The following GRIN2A variants were observed in gnomAD, a reference collection of about 807,000 sequenced individuals.
GRIN2A encodes glutamate ionotropic receptor NMDA type subunit 2A.
GRIN2A carries 22 observed loss-of-function variants against 113.4 expected under a neutral mutation model. The observed-to-expected ratio is 0.19, with a 90% confidence interval of 0.14 to 0.28. GRIN2A has a LOEUF of 0.28. Among genes scored for constraint, GRIN2A ranks in the 10% least tolerant of loss-of-function variants. The probability of loss-of-function intolerance (pLI) is 1.00; values close to 1 mark genes in which losing one functional copy is unlikely to be tolerated. For missense variants in GRIN2A, 1,502 were observed against 1,887.0 expected (o/e 0.80, Z 3.78); for synonymous variants, 827 against 738.4 (o/e 1.12, Z -1.94).
intron 11 of GRIN2A, among the ~76,000 whole-genome samples, chr16:9,797,635 G>A (rs1007619920): frequency 2.0e-5 from 3 of 152,190 alleles, no homozygotes; most frequent in Non-Finnish European, 4.4e-5. Context: ...GTCTAGGAAA[G>A]AGTCTTTGAC....
In GRIN2A at chr16:10,072,912, G is replaced by A. The variant is rs139721228; in HGVS notation, c.414+107086C>T. On this transcript the variant is annotated intron_variant, in intron 2 of 12. Transcript: ENST00000330684. ...AGAAGGAAAAATGTGCTCAGAGGCAGAGGCAAGATGAGGAAACTCAGTGAC... is the reference window on the plus strand; with the variant it reads ...AGAAGGAAAAATGTGCTCAGAGGCAAAGGCAAGATGAGGAAACTCAGTGAC... Among the ~76,000 whole-genome samples, 794 of 150,906 alleles carry A rather than the reference G, an allele frequency of 5.3e-3. 6 individuals are homozygous for A. The highest frequency in any genetic ancestry group is 0.018 in the African/African-American group (733 of 41,120).
chr16:9,845,366 C>G (rs2042753713), intron 5 of GRIN2A, among the ~76,000 whole-genome samples: 1 of 152,122 alleles, frequency 6.6e-6, no homozygotes, highest in African/African-American at 2.4e-5. Context: ...TTTAAAGACT[C>G]TAAACTCCTA....
intron 3 of GRIN2A, among the ~76,000 whole-genome samples, chr16:9,935,889 A>G (rs933428721): frequency 1.3e-5 from 2 of 151,978 alleles, no homozygotes; most frequent in African/African-American, 4.8e-5. Flanking sequence ...TTTAGTATAG[A>G]CAGGGTTTCA....
intron 3 of GRIN2A, among the ~76,000 whole-genome samples, chr16:9,932,288 G>C (rs1405843011): frequency 6.6e-6 from 1 of 151,780 alleles, no homozygotes; most frequent in Non-Finnish European, 1.5e-5. Context: ...AGACACCAAA[G>C]ACATTTTTTG....
intron 2 of GRIN2A, among the ~76,000 whole-genome samples, chr16:9,982,787 A>G (rs1294465456): frequency 6.6e-6 from 1 of 152,156 alleles, no homozygotes; most frequent in Non-Finnish European, 1.5e-5. Flanking sequence ...TTGCAGTGAC[A>G]AGACACTCTA....
At chr16:10,007,056 C>T (rs980038285) in intron 2 of GRIN2A, among the ~76,000 whole-genome samples, 3 of 152,140 alleles carry the variant, frequency 2.0e-5, no homozygotes, top group African/African-American at 7.2e-5. Flanking sequence ...AGGTTGCTTC[C>T]AAATGTTGGC....
chr16:9,819,864 C>T (rs957929866), intron 10 of GRIN2A, among the ~76,000 whole-genome samples: 2 of 124,376 alleles, frequency 1.6e-5, no homozygotes, highest in Non-Finnish European at 3.2e-5. Context: ...GAGGTTGCAG[C>T]GGGGAGAGAC....
intron 2 of GRIN2A, among the ~76,000 whole-genome samples, chr16:10,101,465 T>A (rs1426188170): frequency 1.3e-5 from 2 of 152,184 alleles, no homozygotes; most frequent in East Asian, 3.8e-4. Flanking sequence ...AAGAGAACAG[T>A]CTGATTAAGT....
At chr16:10,074,302 T>C (rs1201932848) in intron 2 of GRIN2A, among the ~76,000 whole-genome samples, 2 of 152,232 alleles carry the variant, frequency 1.3e-5, no homozygotes, top group African/African-American at 4.8e-5. Flanking sequence ...ACAGCTGCTA[T>C]GGAAAACAGT....
At chr16:9,985,850 T>C (rs1332075089) in intron 2 of GRIN2A, among the ~76,000 whole-genome samples, 1 of 152,194 alleles carries the variant, frequency 6.6e-6, no homozygotes, top group African/African-American at 2.4e-5. Flanking sequence ...ATAATTGGAT[T>C]GTAACACAAA....
At chr16:10,162,130 T>C (rs1488138325) in intron 2 of GRIN2A, among the ~76,000 whole-genome samples, 1 of 152,106 alleles carries the variant, frequency 6.6e-6, no homozygotes, top group Non-Finnish European at 1.5e-5. Flanking sequence ...GAGTAAAAAT[T>C]CCTGAGAAGC....
chr16:9,858,053 G>A (rs186710105), intron 4 of GRIN2A, among the ~76,000 whole-genome samples: 9 of 152,260 alleles, frequency 5.9e-5, no homozygotes, highest in South Asian at 2.1e-4. Context: ...GAATAGGCAC[G>A]TGTCCTTTAT....
chr16:9,890,220 C>A (rs571753465), intron 4 of GRIN2A, among the ~76,000 whole-genome samples: 1 of 152,290 alleles, frequency 6.6e-6, no homozygotes, highest in East Asian at 1.9e-4. Context: ...AACAACGTAA[C>A]AACAAAGGCT....
At chr16:10,145,633 G>A (rs1324399987) in intron 2 of GRIN2A, among the ~76,000 whole-genome samples, 1 of 152,142 alleles carries the variant, frequency 6.6e-6, no homozygotes, top group African/African-American at 2.4e-5. Flanking sequence ...TTCTGAAACT[G>A]AGTCAATTTA....
chr16:10,139,205 T>C (rs2049270087), intron 2 of GRIN2A, among the ~76,000 whole-genome samples: 2 of 152,290 alleles, frequency 1.3e-5, no homozygotes, highest in African/African-American at 2.4e-5. Context: ...GGGTCAAGTC[T>C]GCTTTGAGAG....
intron 10 of GRIN2A, among the ~76,000 whole-genome samples, chr16:9,799,715 A>G (rs1012952062): frequency 5.3e-5 from 8 of 152,222 alleles, no homozygotes; most frequent in African/African-American, 1.9e-4. Context: ...TTCTTCTCTC[A>G]TTCCATACCT....
At chr16:10,161,151 C>T (rs567523354) in intron 2 of GRIN2A, among the ~76,000 whole-genome samples, 2 of 152,258 alleles carry the variant, frequency 1.3e-5, no homozygotes, top group Non-Finnish European at 2.9e-5. Flanking sequence ...GAATGGTTAC[C>T]CCCATGCTGT....
At chr16:9,772,455 G>A (rs1027445852) in intron 11 of GRIN2A, among the ~76,000 whole-genome samples, 4 of 152,124 alleles carry the variant, frequency 2.6e-5, no homozygotes, top group Non-Finnish European at 5.9e-5. Flanking sequence ...CACTACAGTA[G>A]CAACTTCCTG....
intron 3 of GRIN2A, among the ~76,000 whole-genome samples, chr16:9,907,890 G>C (rs2044057495): frequency 6.6e-6 from 1 of 152,136 alleles, no homozygotes; most frequent in Non-Finnish European, 1.5e-5. Flanking sequence ...TAAGCTCCCG[G>C]GAAACAGGGA....
Sources: allele counts gnomAD v4.1 joint callset (sites outside exome capture counted in the v4.1 genomes callset), GRCh38; gene constraint gnomAD v4.1.1; transcripts MANE v1.5; gene names NCBI Gene and HGNC (gene_info 2026-07-23, HGNC 2026-07-21).